ARFGEF1: variants seen among roughly 807,000 people sequenced by gnomAD.
ARFGEF1 encodes the protein ARF guanine nucleotide exchange factor 1.
Under a neutral mutation model 231.0 loss-of-function variants are expected in ARFGEF1, and 42 were observed. The ratio of observed to expected loss-of-function variants is 0.18; its 90% CI spans 0.14 to 0.24. The LOEUF (loss-of-function observed/expected upper bound fraction) is 0.24, where lower values mean the gene tolerates loss of function less well. Ranked by LOEUF, ARFGEF1 falls within the 10% of genes least tolerant of loss-of-function variation. The pLI is 1.00. For missense variants in ARFGEF1, 1,345 were observed against 2,192.0 expected (o/e 0.61, Z 7.72); for synonymous variants, 710 against 732.3 (o/e 0.97, Z 0.49).
At chr8:67,181,477 G>C (rs1833027193) in intron 5 of ARFGEF1, among the ~76,000 whole-genome samples, 2 of 151,572 alleles carry the variant, frequency 1.3e-5, no homozygotes. Flanking sequence ...CTTCCTAACA[G>C]TGAAGATGGT....
chr8:67,311,599 T>A (rs1322257577), intron 1 of ARFGEF1, among the ~76,000 whole-genome samples: 1 of 135,902 alleles, frequency 7.4e-6, no homozygotes, highest in Non-Finnish European at 1.6e-5. Flanking sequence ...AGCCGCCTCG[T>A]CCGGGAGGGA....
intron 36 of ARFGEF1, among the ~76,000 whole-genome samples, chr8:67,202,443 G>C (rs976821948): frequency 6.6e-6 from 1 of 151,880 alleles, no homozygotes; most frequent in African/African-American, 2.4e-5. Flanking sequence ...ATTTCTTGTA[G>C]AGACAGGGTC....
At chr8:67,183,843 ATT>A (rs918103972) in intron 5 of ARFGEF1, among the ~76,000 whole-genome samples, 1,401 of 108,146 alleles carry the variant, frequency 0.013, 17 homozygotes, top group African/African-American at 0.031. Flanking sequence ...AAAATTGGGA[ATT>A]TTTTTTTTTT....
intron 37 of ARFGEF1, among the ~76,000 whole-genome samples, chr8:67,200,868 C>A (rs1231290416): frequency 6.6e-6 from 1 of 152,152 alleles, no homozygotes; most frequent in African/African-American, 2.4e-5. Flanking sequence ...CTTGTGAGGC[C>A]CTAGATCACA....
intron 14 of ARFGEF1, among the ~76,000 whole-genome samples, chr8:67,265,402 C>T (rs1185715297): frequency 1.3e-5 from 2 of 152,010 alleles, no homozygotes; most frequent in Non-Finnish European, 2.9e-5. Context: ...TATGGCATCT[C>T]TTTGAAAAAA....
intron 20 of ARFGEF1, among the ~76,000 whole-genome samples, chr8:67,239,697 C>T (rs1839872352): frequency 6.6e-6 from 1 of 151,962 alleles, no homozygotes; most frequent in Non-Finnish European, 1.5e-5. Flanking sequence ...TTTAAAAGTT[C>T]CTCAAAGCAT....
intron 2 of ARFGEF1, 152 bp from the exon 3 acceptor site, chr8:67,301,532 G>T: frequency 1.2e-6 from 1 of 806,560 alleles, no homozygotes; most frequent in Non-Finnish European, 1.8e-6. Context: ...CAAGCCCAGA[G>T]AAGTGAAGTG....
intron 1 of ARFGEF1, among the ~76,000 whole-genome samples, chr8:67,322,232 C>A (rs1319707411): frequency 6.6e-6 from 1 of 152,220 alleles, no homozygotes; most frequent in Non-Finnish European, 1.5e-5. Flanking sequence ...TCATCTCCTA[C>A]CATTCCTGCT....
At chr8:67,251,241 A>G in intron 19 of ARFGEF1, 58 bp downstream of exon 19, 1 of 1,440,132 alleles carries the variant, frequency 6.9e-7, no homozygotes, top group Non-Finnish European at 9.2e-7. Flanking sequence ...TAAAAATATT[A>G]TAAATGTAGT....
intron 1 of ARFGEF1, among the ~76,000 whole-genome samples, chr8:67,311,259 G>A (rs1326181135): frequency 1.9e-4 from 25 of 134,138 alleles, no homozygotes; most frequent in African/African-American, 5.4e-4. Flanking sequence ...CCCCCCGCCC[G>A]GCCAGCCGCC....
At chr8:67,238,206 A>G in intron 22 of ARFGEF1, 137 bp downstream of exon 22, 2 of 848,532 alleles carry the variant, frequency 2.4e-6, no homozygotes, top group Non-Finnish European at 3.4e-6. Flanking sequence ...TTAGTTCCTT[A>G]GTCATCTTGC....
chr8:67,261,662 T>C (rs1359428758), intron 14 of ARFGEF1, among the ~76,000 whole-genome samples: 2 of 152,238 alleles, frequency 1.3e-5, no homozygotes, highest in East Asian at 3.9e-4. Context: ...CTGCAGCCCT[T>C]GGATGAAAGA....
chr8:67,256,620 C>A (rs1840462091), intron 17 of ARFGEF1, among the ~76,000 whole-genome samples: 1 of 151,964 alleles, frequency 6.6e-6, no homozygotes, highest in Non-Finnish European at 1.5e-5. Context: ...GATACCTACC[C>A]CTAGAAGTAC....
chr8:67,245,897 T>C (rs1225494738), intron 19 of ARFGEF1, among the ~76,000 whole-genome samples: 2 of 150,240 alleles, frequency 1.3e-5, no homozygotes, highest in East Asian at 1.9e-4. Flanking sequence ...AATAAAGGGA[T>C]GGAAAAAGAT....
intron 9 of ARFGEF1, among the ~76,000 whole-genome samples, chr8:67,273,458 C>T (rs1465720601): frequency 7.3e-6 from 1 of 137,596 alleles, no homozygotes; most frequent in Non-Finnish European, 1.5e-5. Flanking sequence ...AGCCCAAATG[C>T]TGCTTTCAGT....
intron 1 of ARFGEF1, among the ~76,000 whole-genome samples, chr8:67,333,790 T>C (rs1380177737): frequency 6.6e-6 from 1 of 152,244 alleles, no homozygotes; most frequent in Non-Finnish European, 1.5e-5. Flanking sequence ...TCATCTCACG[T>C]GATGGGTCAC....
chr8:67,232,632 T>C (rs571867300), intron 23 of ARFGEF1, among the ~76,000 whole-genome samples: 17 of 152,160 alleles, frequency 1.1e-4, no homozygotes, highest in African/African-American at 3.6e-4. Flanking sequence ...TTAGTATCTA[T>C]TGTAACTTAA....
rs1805293566 is a variant in ARFGEF1 at position 67,275,893 on chromosome 8, A to T, written c.1337+83T>A. 81 of 1,543,752 alleles carry T rather than the reference A, an allele frequency of 5.2e-5. No homozygotes were observed. The East Asian group carries it at 1.9e-3, about 36-fold the overall frequency. On this transcript the variant is annotated intron_variant, in intron 9 of 38. Coordinates refer to ENST00000262215, the MANE Select transcript of ARFGEF1 (RefSeq NM_006421.5). ...TATGGTTCTATAGGACAAAAAGAAC[A>T]AAAGAAAATCCAAACATTACCTTAA...
At chr8:67,237,309 T>C (rs900026741) in intron 22 of ARFGEF1, among the ~76,000 whole-genome samples, 16 of 152,346 alleles carry the variant, frequency 1.1e-4, no homozygotes, top group African/African-American at 3.1e-4. Flanking sequence ...TACAATACTA[T>C]AGCATCTATG....
Sources: gnomAD v4.1 joint callset for allele counts (sites outside exome capture counted in the v4.1 genomes callset) on GRCh38, gnomAD v4.1.1 for gene constraint, MANE v1.5 for transcripts, NCBI Gene and HGNC (gene_info 2026-07-23, HGNC 2026-07-21) for gene names.